ZFYVE9: variants seen among roughly 807,000 people sequenced by gnomAD.
ZFYVE9 encodes zinc finger FYVE-type containing 9.
ZFYVE9 carries 43 observed loss-of-function variants against 126.7 expected under a neutral mutation model. The ratio of observed to expected loss-of-function variants is 0.34; its 90% CI spans 0.27 to 0.44. The LOEUF is 0.44. Ranked by LOEUF, ZFYVE9 falls within the 20% of genes least tolerant of loss-of-function variation. The pLI is 1.00. For missense variants in ZFYVE9, 1,476 were observed against 1,697.0 expected, an observed-to-expected ratio of 0.87 and a Z score of 2.29; for synonymous variants, 521 against 597.4, an observed-to-expected ratio of 0.87 and a Z score of 1.87.
intron 1 of ZFYVE9, among the ~76,000 whole-genome samples, chr1:52,187,886 C>T (rs12403137): frequency 0.065 from 9,967 of 152,204 alleles, 366 homozygotes; most frequent in African/African-American, 0.1. Context: ...TTATGGAAAA[C>T]GATTCCTTTC....
chr1:52,324,596 G>T (rs1646273692), intron 13 of ZFYVE9, among the ~76,000 whole-genome samples: 1 of 152,108 alleles, frequency 6.6e-6, no homozygotes, highest in African/African-American at 2.4e-5. Context: ...CCCCTAGACA[G>T]TGTCACTGTT....
intron 12 of ZFYVE9, 101 bp downstream of exon 12, chr1:52,296,078 T>A: frequency 1.1e-6 from 1 of 944,296 alleles, no homozygotes; most frequent in Non-Finnish European, 1.6e-6. Flanking sequence ...CCAAGCTGCT[T>A]AAGGCAGGTA....
At chr1:52,198,129 T>TTTG (rs1553123751) in intron 1 of ZFYVE9, among the ~76,000 whole-genome samples, 8 of 134,342 alleles carry the variant, frequency 6.0e-5, no homozygotes, top group African/African-American at 1.7e-4. Flanking sequence ...TGTTTGTTTT[T>TTTG]TTTTTTTTTT....
At chr1:52,308,948 A>G (rs975953551) in intron 13 of ZFYVE9, among the ~76,000 whole-genome samples, 6 of 152,226 alleles carry the variant, frequency 3.9e-5, no homozygotes, top group African/African-American at 1.4e-4. Flanking sequence ...CAGATCTAAT[A>G]TAGATAAAAC....
chr1:52,179,932 C>T (rs1275412227), intron 1 of ZFYVE9: 2 of 1,053,792 alleles, frequency 1.9e-6, no homozygotes, highest in Admixed American at 1.7e-5. Context: ...GAAGAGGAGG[C>T]AGAAGATGAG....
intron 4 of ZFYVE9, among the ~76,000 whole-genome samples, chr1:52,239,891 A>G (rs185324264): frequency 7.9e-4 from 120 of 152,316 alleles, no homozygotes; most frequent in South Asian, 1.5e-3. Context: ...GGTTAATGTA[A>G]TAGTTTGAAA....
At chr1:52,341,486 AAAAAT>A (rs1009731698) in intron 17 of ZFYVE9, among the ~76,000 whole-genome samples, 17 of 152,326 alleles carry the variant, frequency 1.1e-4, no homozygotes, top group East Asian at 3.9e-4. Flanking sequence ...AGGTCTGAGA[AAAAAT>A]AAAATACGAA....
At chr1:52,285,212 A>G (rs1378167204) in intron 10 of ZFYVE9, among the ~76,000 whole-genome samples, 1 of 152,212 alleles carries the variant, frequency 6.6e-6, no homozygotes, top group Non-Finnish European at 1.5e-5. Flanking sequence ...ACACAGATAT[A>G]TTATCTATAT....
intron 13 of ZFYVE9, among the ~76,000 whole-genome samples, chr1:52,304,343 A>C (rs2147842712): frequency 6.6e-6 from 1 of 152,010 alleles, no homozygotes; most frequent in Non-Finnish European, 1.5e-5. Flanking sequence ...GCTCACTGCA[A>C]CCTCTGCCTC....
intron 12 of ZFYVE9, among the ~76,000 whole-genome samples, chr1:52,298,505 T>C (rs1015010468): frequency 1.3e-5 from 2 of 152,194 alleles, no homozygotes; most frequent in African/African-American, 4.8e-5. Flanking sequence ...TGTTGGAGTA[T>C]GTGTTTGTTT....
chr1:52,346,016 T>C, intron 18 of ZFYVE9, 44 bp from the exon 19 acceptor site: 2 of 1,514,214 alleles, frequency 1.3e-6, no homozygotes, highest in Non-Finnish European at 1.8e-6. Context: ...TGGAGAGGCC[T>C]TCTCTGTTCA....
intron 1 of ZFYVE9, among the ~76,000 whole-genome samples, chr1:52,164,871 A>G (rs943296062): frequency 1.3e-5 from 2 of 152,214 alleles, no homozygotes; most frequent in African/African-American, 4.8e-5. Flanking sequence ...TAGCAGTAAA[A>G]TAATATGATT....
intron 10 of ZFYVE9, among the ~76,000 whole-genome samples, chr1:52,290,835 T>C (rs1645912529): frequency 6.6e-6 from 1 of 152,254 alleles, no homozygotes; most frequent in African/African-American, 2.4e-5. Flanking sequence ...ACAGTGTTGC[T>C]GGTCCTGTTA....
chr1:52,187,346 C>A (rs1644774107), intron 1 of ZFYVE9, among the ~76,000 whole-genome samples: 1 of 152,160 alleles, frequency 6.6e-6, no homozygotes, highest in African/African-American at 2.4e-5. Flanking sequence ...AAATGTAAAA[C>A]CCAAAAGTAT....
At chr1:52,279,019 A>G (rs544685323) in intron 9 of ZFYVE9, among the ~76,000 whole-genome samples, 14 of 151,976 alleles carry the variant, frequency 9.2e-5, no homozygotes, top group Non-Finnish European at 1.8e-4. Flanking sequence ...GATTACAGGC[A>G]TGAGCCACCG....
intron 11 of ZFYVE9, among the ~76,000 whole-genome samples, chr1:52,294,269 T>A (rs568394902): frequency 2.0e-5 from 3 of 152,268 alleles, no homozygotes; most frequent in Non-Finnish European, 4.4e-5. Context: ...CTGCCACTTA[T>A]GAGCTCTGTA....
rs1161671213 is a variant in ZFYVE9 at position 52,295,974 on chromosome 1, T to C, written c.3330T>C (p.Leu1110=). The C allele has an allele frequency of 6.2e-7, 1 of 1,613,022 alleles. No individual in the cohort carries two copies. The highest frequency in any genetic ancestry group is 1.1e-5 in the South Asian group (1 of 90,872). Residue 1110 remains leucine, a synonymous_variant, in exon 12 of 19, where the codon CTT becomes CTC. Coordinates refer to ENST00000287727, the MANE Select transcript of ZFYVE9 (RefSeq NM_004799.4). ...GETGHTIMNL[L]ADFRNYQYTL... ...CGGGGCATACCATCATGAATCTTCTTGCAGTAAGTTGGGAATTTTTTTTCC... is the reference window on the plus strand; with the variant it reads ...CGGGGCATACCATCATGAATCTTCTCGCAGTAAGTTGGGAATTTTTTTTCC...
chr1:52,226,695 A>G (rs1384769085), intron 2 of ZFYVE9, among the ~76,000 whole-genome samples: 2 of 152,310 alleles, frequency 1.3e-5, no homozygotes, highest in South Asian at 4.1e-4. Flanking sequence ...TTGGTTTTAT[A>G]CATTTTAGGG....
At chr1:52,263,969 C>T (rs970707293) in intron 5 of ZFYVE9, 97 bp downstream of exon 5, 23 of 617,816 alleles carry the variant, frequency 3.7e-5, no homozygotes, top group Non-Finnish European at 6.1e-5. Context: ...TTACAAGTTG[C>T]TCACCTTCTC....
Sources: allele counts gnomAD v4.1 joint callset (sites outside exome capture counted in the v4.1 genomes callset), GRCh38; gene constraint gnomAD v4.1.1; transcripts MANE v1.5; gene names NCBI Gene and HGNC (gene_info 2026-07-23, HGNC 2026-07-21).